The following GNG4 variants were observed in gnomAD, a reference collection of about 807,000 sequenced individuals.
GNG4 encodes the protein guanine nucleotide-binding protein G(I)/G(S)/G(O) subunit gamma-4.
Under a neutral mutation model 5.8 loss-of-function variants are expected in GNG4, and 4 were observed. The observed-to-expected ratio is 0.69, with a 90% CI of 0.34 to 1.57. The LOEUF (loss-of-function observed/expected upper bound fraction) is 1.57, where lower values mean the gene tolerates loss of function less well. GNG4 is among the 40% of genes most tolerant of loss of function. GNG4 has a pLI of 0.06. For missense variants in GNG4, 96 were observed against 95.1 expected (o/e 1.01, Z -0.04); for synonymous variants, 29 against 32.9 (o/e 0.88, Z 0.41).
At chr1:235,610,620 G>A (rs1688458041) in intron 1 of GNG4, among the ~76,000 whole-genome samples, 1 of 152,132 alleles carries the variant, frequency 6.6e-6, no homozygotes, top group East Asian at 1.9e-4. Context: ...GCCCCTTCAA[G>A]CTGGTTCCTG....
At chr1:235,578,773 G>T (rs971562030) in intron 3 of GNG4, among the ~76,000 whole-genome samples, 4 of 152,048 alleles carry the variant, frequency 2.6e-5, no homozygotes, top group African/African-American at 9.7e-5. Flanking sequence ...GCTGTGGGGT[G>T]GTGAGATTAG....
intron 1 of GNG4, among the ~76,000 whole-genome samples, chr1:235,614,075 A>G (rs1318607104): frequency 6.6e-6 from 1 of 152,170 alleles, no homozygotes; most frequent in Non-Finnish European, 1.5e-5. Flanking sequence ...AGCCTTCCAA[A>G]GTGTTGGAAT....
At chr1:235,625,491 A>G (rs1343110220) in intron 1 of GNG4, among the ~76,000 whole-genome samples, 1 of 152,176 alleles carries the variant, frequency 6.6e-6, no homozygotes, top group East Asian at 1.9e-4. Context: ...TGCACATTCT[A>G]TGGGCTTTGA....
At chr1:235,562,239 G>A (rs1037353046) in intron 3 of GNG4, among the ~76,000 whole-genome samples, 2 of 152,198 alleles carry the variant, frequency 1.3e-5, no homozygotes, top group Non-Finnish European at 2.9e-5. Flanking sequence ...GTCAGGTAGT[G>A]TCGGTTCTCC....
chr1:235,583,693 T>A (rs772565821), intron 3 of GNG4, 47 bp downstream of exon 3: 18 of 1,248,688 alleles, frequency 1.4e-5, no homozygotes, highest in Non-Finnish European at 2.1e-5. Context: ...AGGAATGTTT[T>A]GAGCTGAGCT....
chr1:235,562,172 A>G (rs1486036320), intron 3 of GNG4, among the ~76,000 whole-genome samples: 1 of 151,998 alleles, frequency 6.6e-6, no homozygotes, highest in Non-Finnish European at 1.5e-5. Flanking sequence ...CTACACGTCT[A>G]CTCTTTCACC....
At chr1:235,623,326 C>T (rs1688745903) in intron 1 of GNG4, among the ~76,000 whole-genome samples, 1 of 152,252 alleles carries the variant, frequency 6.6e-6, no homozygotes, top group South Asian at 2.1e-4. Flanking sequence ...TCCATCAGAA[C>T]ATTCGCTACC....
chr1:235,626,958 C>CAAAAAAAAAAAAAA (rs776506587), intron 1 of GNG4, among the ~76,000 whole-genome samples: 2 of 77,394 alleles, frequency 2.6e-5, no homozygotes, highest in African/African-American at 9.9e-5. Flanking sequence ...GACTCTATCT[C>CAAAAAAAAAAAAAA]AAAAAAAAAA....
At chr1:235,630,647 C>G (rs2102982551) in intron 1 of GNG4, among the ~76,000 whole-genome samples, 1 of 152,304 alleles carries the variant, frequency 6.6e-6, no homozygotes, top group Non-Finnish European at 1.5e-5. Context: ...ACCAGAAAGT[C>G]ACCGTGGGAG....
intron 1 of GNG4, among the ~76,000 whole-genome samples, chr1:235,597,406 C>T (rs954782095): frequency 6.6e-6 from 1 of 151,210 alleles, no homozygotes; most frequent in African/African-American, 2.4e-5. Flanking sequence ...CCTACCCCCC[C>T]CAAATTCCTA....
intron 2 of GNG4, among the ~76,000 whole-genome samples, chr1:235,584,595 AAGAAATTCTCCCT>A (rs1378900602): frequency 3.3e-5 from 5 of 152,228 alleles, no homozygotes; most frequent in Non-Finnish European, 7.3e-5. Flanking sequence ...AGGGAGGCAG[AAGAAATTCTCCCT>A]AACCCTACAC....
At chr1:235,646,248 T>C (rs1284408458) in intron 1 of GNG4, among the ~76,000 whole-genome samples, 1 of 152,244 alleles carries the variant, frequency 6.6e-6, no homozygotes, top group African/African-American at 2.4e-5. Flanking sequence ...GTGCAGTGCC[T>C]GAGTGTGGGT....
At chr1:235,645,195 G>A (rs1558508280) in intron 1 of GNG4, among the ~76,000 whole-genome samples, 1 of 152,130 alleles carries the variant, frequency 6.6e-6, no homozygotes, top group African/African-American at 2.4e-5. Flanking sequence ...CTGTTCATCA[G>A]TGTCTGGACC....
At chr1:235,617,939 G>A (rs1688632207) in intron 1 of GNG4, among the ~76,000 whole-genome samples, 1 of 151,696 alleles carries the variant, frequency 6.6e-6, no homozygotes, top group African/African-American at 2.4e-5. Flanking sequence ...ACAAGACTTG[G>A]GAGCTGCCTC....
At chr1:235,630,664 C>T (rs1028931076) in intron 1 of GNG4, among the ~76,000 whole-genome samples, 3 of 152,108 alleles carry the variant, frequency 2.0e-5, no homozygotes, top group African/African-American at 7.2e-5. Context: ...GGAGTGTGGA[C>T]GCAGCTCAGA....
At chr1:235,620,419 T>C (rs1488771396) in intron 1 of GNG4, among the ~76,000 whole-genome samples, 1 of 152,200 alleles carries the variant, frequency 6.6e-6, no homozygotes, top group Non-Finnish European at 1.5e-5. Context: ...TCAGTCCTAG[T>C]CGGAACTTAG....
At chr1:235,618,938 G>A (rs1688652556) in intron 1 of GNG4, among the ~76,000 whole-genome samples, 1 of 151,000 alleles carries the variant, frequency 6.6e-6, no homozygotes. Flanking sequence ...TTATAGGCGT[G>A]AGCCACTGCA....
At chr1:235,639,173 G>A (rs7554532) in intron 1 of GNG4, among the ~76,000 whole-genome samples, 80,027 of 151,960 alleles carry the variant, frequency 0.53, 23,501 homozygotes, top group East Asian at 0.85. Flanking sequence ...GGATCTTTCC[G>A]TTAATCACAT....
intron 3 of GNG4, among the ~76,000 whole-genome samples, chr1:235,554,024 T>C (rs1175340258): frequency 2.0e-5 from 3 of 152,170 alleles, no homozygotes; most frequent in Admixed American, 6.5e-5. Context: ...ATATAGGAAT[T>C]TCCCAGATGG....
Sources: gnomAD v4.1 joint callset for allele counts (sites outside exome capture counted in the v4.1 genomes callset) on GRCh38, gnomAD v4.1.1 for gene constraint, MANE v1.5 for transcripts, NCBI Gene and HGNC (gene_info 2026-07-23, HGNC 2026-07-21) for gene names.